TTK: variants seen among roughly 807,000 people sequenced by gnomAD.
TTK encodes the protein TTK protein kinase.
A neutral mutation model predicts 117.3 loss-of-function variants in TTK; 59 were observed. The ratio of observed to expected loss-of-function variants is 0.50; its 90% CI spans 0.41 to 0.62. TTK has a LOEUF of 0.62. Ranked by LOEUF, TTK falls within the 20% of genes least tolerant of loss-of-function variation. The probability of loss-of-function intolerance (pLI) is 0.00; values close to 1 mark genes in which losing one functional copy is unlikely to be tolerated. For synonymous variants in TTK, 302 were observed against 325.0 expected (o/e 0.93, Z 0.76); for missense variants, 921 against 989.4 (o/e 0.93, Z 0.93).
chr6:80,023,153 A>G (rs1275427174), intron 11 of TTK, among the ~76,000 whole-genome samples: 6 of 152,196 alleles, frequency 3.9e-5, no homozygotes, highest in Non-Finnish European at 1.5e-5. Flanking sequence ...GGCTTTATTA[A>G]TTCAGTGGTT....
intron 9 of TTK, 35 bp downstream of exon 9, chr6:80,013,401 GTTCCTGATC>G (rs773230554): frequency 6.6e-6 from 10 of 1,525,772 alleles, no homozygotes; most frequent in Non-Finnish European, 8.9e-6. Context: ...TAAAGCAAGG[GTTCCTGATC>G]TGGGAGGATC....
At chr6:80,013,225 A>C in intron 8 of TTK, 54 bp from the exon 9 acceptor site, 1 of 1,450,016 alleles carries the variant, frequency 6.9e-7, no homozygotes. Flanking sequence ...AAATACATTG[A>C]AAATTTTTTT....
At chr6:80,009,216 A>G (rs976281507) in intron 4 of TTK, among the ~76,000 whole-genome samples, 5 of 151,942 alleles carry the variant, frequency 3.3e-5, no homozygotes, top group African/African-American at 1.2e-4. Context: ...ACTGTGATCC[A>G]ATTTACTGCC....
At chr6:80,022,706 G>C (rs2127675726) in intron 11 of TTK, among the ~76,000 whole-genome samples, 1 of 152,302 alleles carries the variant, frequency 6.6e-6, no homozygotes, top group African/African-American at 2.4e-5. Flanking sequence ...CCGATAGACT[G>C]GTGCTATGGG....
intron 18 of TTK, 118 bp downstream of exon 18, chr6:80,038,165 A>G (rs956059629): frequency 1.3e-5 from 7 of 544,872 alleles, no homozygotes; most frequent in African/African-American, 7.9e-5. Flanking sequence ...AGGCCATTAC[A>G]GAGACATTGC....
chr6:80,006,753 AT>A (rs1471992054), intron 2 of TTK, among the ~76,000 whole-genome samples: 1 of 152,176 alleles, frequency 6.6e-6, no homozygotes, highest in Non-Finnish European at 1.5e-5. Context: ...TTTTTTAGAC[AT>A]TTCACAGACT....
At chr6:80,036,418 T>G (rs778741002) in intron 16 of TTK, 57 bp from the exon 17 acceptor site, 19 of 1,533,156 alleles carry the variant, frequency 1.2e-5, no homozygotes, top group Non-Finnish European at 1.7e-5. Context: ...CTGTGAATTT[T>G]TTGGTCCTTA....
chr6:80,010,755 T>C, intron 4 of TTK, 59 bp from the exon 5 acceptor site: 1 of 1,223,272 alleles, frequency 8.2e-7, no homozygotes, highest in Non-Finnish European at 1.1e-6. Context: ...CGTATCTGGG[T>C]GGTCTGGGTG....
At chr6:80,039,929 G>A (rs1768002796) in intron 19 of TTK, 57 bp downstream of exon 19, 1 of 1,310,734 alleles carries the variant, frequency 7.6e-7, no homozygotes, top group Non-Finnish European at 1.0e-6. Context: ...TGAAATAATT[G>A]GAATTATGTA....
chr6:80,020,208 A>C (rs546831024), intron 10 of TTK, among the ~76,000 whole-genome samples: 3 of 152,326 alleles, frequency 2.0e-5, no homozygotes, highest in African/African-American at 7.2e-5. Context: ...ACCTGTTCAC[A>C]TGGCTAAACC....
Position 80,042,111 on chromosome 6 carries a change from A to G in TTK, c.2491-8A>G. The G allele has an allele frequency of 6.5e-7, 1 of 1,540,866 alleles. No individual in the cohort carries two copies. The highest frequency in any genetic ancestry group is 8.8e-7 in the Non-Finnish European group (1 of 1,140,812). On this transcript the variant is annotated splice_polypyrimidine_tract_variant and splice_region_variant and intron_variant, in intron 21 of 21. Transcript: ENST00000369798. ...ATTGCAAAACAGATTTGTGTTTTTT[A>G]ATTTCAGACTTTATATGAACACTAT...
intron 18 of TTK, 116 bp downstream of exon 18, chr6:80,038,163 A>G: frequency 1.8e-6 from 1 of 555,782 alleles, no homozygotes; most frequent in Non-Finnish European, 2.9e-6. Flanking sequence ...TTAGGCCATT[A>G]CAGAGACATT....
chr6:80,014,646 A>G (rs1203472760), intron 10 of TTK, 60 bp downstream of exon 10: 4 of 1,485,298 alleles, frequency 2.7e-6, no homozygotes, highest in Non-Finnish European at 3.6e-6. Context: ...TTGATAGCTT[A>G]AGAAAGCAGA....
In TTK at chr6:80,040,211, G is replaced by A. The variant is rs923193250; in HGVS notation, c.2323G>A (p.Asp775Asn). 1.3e-5 allele frequency: 20 copies of A among 1,585,858 alleles called. No individual in the cohort carries two copies. The highest frequency in any genetic ancestry group is 1.6e-5 in the Non-Finnish European group (19 of 1,167,734). ...GTTTTAATAGTGTTGTTTAAAAAGG[G>A]ACCCAAAACAGAGGATATCCATTCC... Reference protein sequence around the residue: ...QDVLKCCLKRDPKQRISIPEL... With the variant: ...QDVLKCCLKRNPKQRISIPEL... The change falls in exon 20 of 22, where the codon GAC (aspartate) becomes AAC (asparagine). Residue 775 changes from aspartate (D) to asparagine (N), a missense_variant. Transcript: ENST00000369798.
In TTK at chr6:80,040,716, A is replaced by G. The variant is rs1582118352; in HGVS notation, c.2490+13A>G. On this transcript the variant is annotated intron_variant, in intron 21 of 21. Transcript: ENST00000369798. ...GAAAGCTGCTAAAGTAAGTATGTCT[A>G]TTCTTTACATTAATTTTTACTGTTT... is the stretch of plus-strand genomic sequence containing the variant. 1.9e-6 allele frequency: 3 copies of G among 1,604,228 alleles called. No individual in the cohort carries two copies. Among genetic ancestry groups the G allele is most frequent in the South Asian group, 2.2e-5 (2 of 89,488 alleles).
In TTK at chr6:80,026,484, G is replaced by A. The variant is rs1044965914; in HGVS notation, c.1364G>A (p.Ser455Asn). The change falls in exon 12 of 22, where the codon AGC (serine) becomes AAC (asparagine). Residue 455 changes from serine to asparagine, a missense_variant. By Grantham distance (46) the Ser-to-Asn change is conservative. Transcript: ENST00000369798. Reference protein sequence around the residue: ...FDPKSICKTPSSNTLDDYMSC... With the variant: ...FDPKSICKTPNSNTLDDYMSC... ...CCAAAATCTATTTGTAAGACACCAA[G>A]CAGCAATACCTTGGATGATTACATG... 14 of 1,613,686 alleles carry A rather than the reference G, an allele frequency of 8.7e-6. No homozygotes were observed. The African/African-American group carries it at 1.7e-4, about 20-fold the overall frequency.
intron 10 of TTK, among the ~76,000 whole-genome samples, chr6:80,019,887 C>G (rs1767411784): frequency 6.6e-6 from 1 of 152,184 alleles, no homozygotes; most frequent in East Asian, 1.9e-4. Flanking sequence ...AAAATGTATG[C>G]TGATAATTCT....
At chr6:80,005,157 G>A (rs1766954342) in intron 1 of TTK, among the ~76,000 whole-genome samples, 1 of 152,118 alleles carries the variant, frequency 6.6e-6, no homozygotes, top group Non-Finnish European at 1.5e-5. Context: ...GGGCAGCATT[G>A]TTATCAGTGA....
intron 10 of TTK, among the ~76,000 whole-genome samples, chr6:80,018,253 T>G (rs572887693): frequency 6.6e-6 from 1 of 152,312 alleles, no homozygotes; most frequent in East Asian, 1.9e-4. Flanking sequence ...CATTGCTAAA[T>G]TTACTGAGTA....
Sources: gnomAD v4.1 joint callset for allele counts (sites outside exome capture counted in the v4.1 genomes callset) on GRCh38, gnomAD v4.1.1 for gene constraint, MANE v1.5 for transcripts, NCBI Gene and HGNC (gene_info 2026-07-23, HGNC 2026-07-21) for gene names.